Variants in CDK14 observed in about 807,000 individuals in gnomAD.
CDK14 encodes cyclin dependent kinase 14, also known as cyclin-dependent kinase 14.
In CDK14, 34 loss-of-function variants were observed where a neutral mutation model predicts 60.7. That is an observed-to-expected ratio of 0.56 (90% confidence interval 0.43 to 0.75). The LOEUF (loss-of-function observed/expected upper bound fraction) is 0.75, where lower values mean the gene tolerates loss of function less well. Ranked by LOEUF, CDK14 falls within the 30% of genes least tolerant of loss-of-function variation. The probability of loss-of-function intolerance (pLI) is 0.00; values close to 1 mark genes in which losing one functional copy is unlikely to be tolerated. For synonymous variants in CDK14, 197 were observed against 203.7 expected (o/e 0.97, Z 0.28); for missense variants, 482 against 564.1 (o/e 0.85, Z 1.47).
chr7:90,643,776 T>C (rs1206441080), intron 2 of CDK14, among the ~76,000 whole-genome samples: 1 of 152,204 alleles, frequency 6.6e-6, no homozygotes, highest in Non-Finnish European at 1.5e-5. Context: ...ACAGCCCTAC[T>C]CTGGGCCTCC....
chr7:91,083,137 T>C (rs1160006657), intron 12 of CDK14, among the ~76,000 whole-genome samples: 1 of 152,202 alleles, frequency 6.6e-6, no homozygotes, highest in Non-Finnish European at 1.5e-5. Flanking sequence ...ATTTTTGTTA[T>C]AATTCTATTT....
chr7:91,129,863 C>T (rs1020586014), intron 14 of CDK14, among the ~76,000 whole-genome samples: 6 of 151,984 alleles, frequency 3.9e-5, no homozygotes, highest in Non-Finnish European at 8.8e-5. Context: ...TTTGAAATAC[C>T]TGCATAACTC....
At chr7:91,161,786 G>T (rs1018767518) in intron 14 of CDK14, among the ~76,000 whole-genome samples, 1 of 152,110 alleles carries the variant, frequency 6.6e-6, no homozygotes, top group Non-Finnish European at 1.5e-5. Context: ...AAACAACAAA[G>T]CTATAAGATA....
chr7:91,154,528 T>A (rs549293107), intron 14 of CDK14, among the ~76,000 whole-genome samples: 1 of 152,228 alleles, frequency 6.6e-6, no homozygotes, highest in Admixed American at 6.5e-5. Context: ...TTAAAACACT[T>A]TTAGAAAAAT....
At chr7:90,650,670 A>T (rs1267745539) in intron 2 of CDK14, among the ~76,000 whole-genome samples, 4 of 152,150 alleles carry the variant, frequency 2.6e-5, no homozygotes, top group Non-Finnish European at 1.5e-5. Context: ...TCAGCTTTCT[A>T]CATATGGCTA....
intron 6 of CDK14, among the ~76,000 whole-genome samples, chr7:90,893,104 C>T (rs531578158): frequency 4.6e-5 from 7 of 152,150 alleles, no homozygotes; most frequent in Non-Finnish European, 8.8e-5. Context: ...CCTCTTTCTG[C>T]GCTCACTCTG....
chr7:90,914,833 T>G (rs1793022410), intron 7 of CDK14, among the ~76,000 whole-genome samples: 1 of 152,218 alleles, frequency 6.6e-6, no homozygotes, highest in Non-Finnish European at 1.5e-5. Flanking sequence ...AGGCGCCTGT[T>G]ATTTGCTTTT....
At chr7:90,861,658 A>G (rs1266389939) in intron 5 of CDK14, among the ~76,000 whole-genome samples, 1 of 152,128 alleles carries the variant, frequency 6.6e-6, no homozygotes, top group Admixed American at 6.5e-5. Context: ...AAGGAAGGAA[A>G]AGGGAGAAAT....
At chr7:91,060,510 A>G (rs374118421) in intron 11 of CDK14, among the ~76,000 whole-genome samples, 3 of 151,930 alleles carry the variant, frequency 2.0e-5, no homozygotes, top group South Asian at 2.1e-4. Flanking sequence ...GGTCTTTACA[A>G]TTTGGCATGT....
At chr7:90,691,327 G>C (rs1272018298) in intron 2 of CDK14, among the ~76,000 whole-genome samples, 1 of 151,994 alleles carries the variant, frequency 6.6e-6, no homozygotes, top group Non-Finnish European at 1.5e-5. Context: ...AAGAGAAGGG[G>C]GGTATAGGAA....
intron 10 of CDK14, among the ~76,000 whole-genome samples, chr7:91,034,582 C>T (rs1261454317): frequency 6.6e-6 from 1 of 152,040 alleles, no homozygotes; most frequent in Non-Finnish European, 1.5e-5. Flanking sequence ...TCCTTCAATC[C>T]ATCACCTGCA....
At chr7:90,800,790 C>T (rs186427790) in intron 5 of CDK14, among the ~76,000 whole-genome samples, 1 of 152,220 alleles carries the variant, frequency 6.6e-6, no homozygotes, top group African/African-American at 2.4e-5. Context: ...AGTAGAAGTC[C>T]AAAATCAGGA....
chr7:90,940,449 A>G (rs1220971353), intron 8 of CDK14, among the ~76,000 whole-genome samples: 4 of 152,092 alleles, frequency 2.6e-5, no homozygotes, highest in Admixed American at 6.6e-5. Context: ...GCTACAAACA[A>G]TGTCACAATG....
chr7:91,012,811 A>G (rs1303239615), intron 10 of CDK14, among the ~76,000 whole-genome samples: 3 of 152,224 alleles, frequency 2.0e-5, no homozygotes, highest in African/African-American at 7.2e-5. Flanking sequence ...TACTCCTCAA[A>G]GGGTAAAGAT....
chr7:90,782,268 A>G (rs1029894385), intron 4 of CDK14, among the ~76,000 whole-genome samples: 8 of 152,080 alleles, frequency 5.3e-5, no homozygotes, highest in East Asian at 3.9e-4. Context: ...CATTGATTTT[A>G]TACCTGAGAC....
intron 5 of CDK14, among the ~76,000 whole-genome samples, chr7:90,841,599 C>T (rs1280135062): frequency 6.6e-6 from 1 of 151,414 alleles, no homozygotes; most frequent in East Asian, 1.9e-4. Context: ...CACTTACCTA[C>T]AGCAGCACTT....
At chr7:90,793,970 G>C (rs910824923) in intron 5 of CDK14, among the ~76,000 whole-genome samples, 1 of 152,056 alleles carries the variant, frequency 6.6e-6, no homozygotes, top group African/African-American at 2.4e-5. Flanking sequence ...ACCAGCCCAC[G>C]ATATTCAACA....
intron 7 of CDK14, among the ~76,000 whole-genome samples, chr7:90,916,906 T>G (rs1793099719): frequency 6.6e-6 from 1 of 152,190 alleles, no homozygotes; most frequent in African/African-American, 2.4e-5. Flanking sequence ...CTTCCAAAAG[T>G]ATTACTCTCG....
chr7:90,971,063 C>T (rs1304795438), intron 9 of CDK14, among the ~76,000 whole-genome samples: 1 of 151,896 alleles, frequency 6.6e-6, no homozygotes, highest in East Asian at 1.9e-4. Context: ...CTAATGCCAT[C>T]CCTCCCCGCT....
Sources: allele counts gnomAD v4.1 joint callset (sites outside exome capture counted in the v4.1 genomes callset), GRCh38; gene constraint gnomAD v4.1.1; transcripts MANE v1.5; gene names NCBI Gene and HGNC (gene_info 2026-07-23, HGNC 2026-07-21).